Variants in IKZF3 observed in about 807,000 individuals in gnomAD.
The protein encoded by IKZF3 is IKAROS family zinc finger 3.
A neutral mutation model predicts 49.0 loss-of-function variants in IKZF3; 10 were observed. The observed-to-expected ratio is 0.20, with a 90% confidence interval of 0.13 to 0.35. IKZF3 has a LOEUF of 0.35. Ranked by LOEUF, IKZF3 falls within the 10% of genes least tolerant of loss-of-function variation. The probability of loss-of-function intolerance (pLI) is 1.00; values close to 1 mark genes in which losing one functional copy is unlikely to be tolerated. For synonymous variants in IKZF3, 209 were observed against 228.2 expected (o/e 0.92, Z 0.76); for missense variants, 498 against 664.8 (o/e 0.75, Z 2.76).
chr17:39,842,051 AAAAAAAAAC>A (rs907364242), intron 1 of IKZF3, among the ~76,000 whole-genome samples: 11 of 148,864 alleles, frequency 7.4e-5, no homozygotes, highest in Non-Finnish European at 1.0e-4. Flanking sequence ...AAAAAAAAAA[AAAAAAAAAC>A]CAGATAAAAT....
At chr17:39,849,971 C>A (rs531865977) in intron 1 of IKZF3, among the ~76,000 whole-genome samples, 31 of 149,898 alleles carry the variant, frequency 2.1e-4, no homozygotes, top group Middle Eastern at 3.4e-3. Context: ...ATGTATCAAA[C>A]CTAAACATAC....
chr17:39,773,509 G>T (rs2060496599), intron 7 of IKZF3, among the ~76,000 whole-genome samples: 1 of 152,206 alleles, frequency 6.6e-6, no homozygotes, highest in African/African-American at 2.4e-5. Flanking sequence ...CCGATGGTTT[G>T]TTGAAGTGTC....
chr17:39,842,834 C>T (rs2062518235), intron 1 of IKZF3, among the ~76,000 whole-genome samples: 1 of 152,070 alleles, frequency 6.6e-6, no homozygotes, highest in Non-Finnish European at 1.5e-5. Flanking sequence ...AATGGAAAAG[C>T]CTGTTCGATA....
At chr17:39,828,529 T>G (rs1327612141) in intron 3 of IKZF3, among the ~76,000 whole-genome samples, 2 of 152,150 alleles carry the variant, frequency 1.3e-5, no homozygotes, top group Non-Finnish European at 1.5e-5. Flanking sequence ...TAGCAAATTA[T>G]TAAACATGTG....
chr17:39,862,686 AAC>A lies in IKZF3; in HGVS notation c.7+1432_7+1433del, dbSNP rs1291805079. ...CCTATAGATTTAATCTAATCATGTAAACACAACTTTAAAAAGTTATTGATCTA... is the reference window on the plus strand; with the variant it reads ...CCTATAGATTTAATCTAATCATGTAAACAACTTTAAAAAGTTATTGATCTA... On this transcript the variant is annotated intron_variant, in intron 1 of 7. Coordinates refer to ENST00000346872, the MANE Select transcript of IKZF3 (RefSeq NM_012481.5). 3.3e-5 allele frequency among the ~76,000 whole-genome samples: 5 copies of A among 152,232 alleles called. No homozygotes were observed. The East Asian group carries it at 9.6e-4, about 29-fold the overall frequency.
chr17:39,801,717 T>C (rs1158289550), intron 3 of IKZF3, among the ~76,000 whole-genome samples: 1 of 152,202 alleles, frequency 6.6e-6, no homozygotes, highest in African/African-American at 2.4e-5. Context: ...ACCGATGATA[T>C]TTTTAGAACT....
intron 3 of IKZF3, among the ~76,000 whole-genome samples, chr17:39,824,506 G>T (rs2061904298): frequency 6.6e-6 from 1 of 152,044 alleles, no homozygotes; most frequent in African/African-American, 2.4e-5. Flanking sequence ...TTGAATGGGG[G>T]CCAGGGCAGA....
Position 39,848,624 on chromosome 17 carries a change from A to G in IKZF3, c.7+15496T>C, listed in dbSNP as rs548607014. Among the ~76,000 whole-genome samples the G allele has an allele frequency of 7.9e-5, 12 of 152,322 alleles. No individual in the cohort carries two copies. The East Asian group carries it at 2.3e-3, about 29-fold the overall frequency. On this transcript the variant is annotated intron_variant, in intron 1 of 7. Coordinates refer to ENST00000346872, the MANE Select transcript of IKZF3 (RefSeq NM_012481.5). ...AGAGCTAAATATGAAAGTTGAAACAATCAAACTTCTAGAGGAAAACAGAAT... is the reference window on the plus strand; with the variant it reads ...AGAGCTAAATATGAAAGTTGAAACAGTCAAACTTCTAGAGGAAAACAGAAT...
chr17:39,813,118 A>G (rs534820301), intron 3 of IKZF3, among the ~76,000 whole-genome samples: 3,610 of 150,406 alleles, frequency 0.024, 63 homozygotes, highest in Non-Finnish European at 0.037. Flanking sequence ...TAAATAAATA[A>G]ATAAATAAAT....
chr17:39,828,671 G>A (rs1418899013), intron 3 of IKZF3, among the ~76,000 whole-genome samples: 4 of 152,042 alleles, frequency 2.6e-5, no homozygotes, highest in South Asian at 2.1e-4. Context: ...TAACCTGTGC[G>A]GTCTACGCAA....
At chr17:39,851,394 C>G (rs1485504107) in intron 1 of IKZF3, among the ~76,000 whole-genome samples, 1 of 152,084 alleles carries the variant, frequency 6.6e-6, no homozygotes, top group Non-Finnish European at 1.5e-5. Flanking sequence ...AAAAGAATGT[C>G]TGTAATACAG....
chr17:39,856,284 CT>C (rs2063055495), intron 1 of IKZF3, among the ~76,000 whole-genome samples: 1 of 152,088 alleles, frequency 6.6e-6, no homozygotes, highest in East Asian at 1.9e-4. Flanking sequence ...TAGTAATATT[CT>C]TTTTTATTTA....
chr17:39,831,955 T>A, intron 2 of IKZF3, 143 bp downstream of exon 2: 1 of 610,688 alleles, frequency 1.6e-6, no homozygotes, highest in Non-Finnish European at 2.9e-6. Context: ...TATTTTTTCA[T>A]CAGCAACAGA....
rs113322079 is a variant in IKZF3 at position 39,766,008 on chromosome 17, A to C, written c.1312T>G (p.Ser438Ala). 16 of 1,614,210 alleles carry C rather than the reference A, an allele frequency of 9.9e-6. No homozygotes were observed. Among genetic ancestry groups the C allele is most frequent in the African/African-American group, 9.3e-5 (7 of 75,058 alleles). The change falls in exon 8 of 8, where the codon TCC (serine) becomes GCC (alanine). Residue 438 changes from serine (S) to alanine (A), a missense_variant. Physicochemically the swap from Ser to Ala is moderately conservative, Grantham distance 99. This residue lies in a region of IKZF3 where 317 missense variants were observed against 397.3 expected (regional missense o/e 0.80). Transcript: ENST00000346872. The part of the protein sequence containing the change: ...LKPPPICPRD[S>A]VKVINKEGEV... ...CCTTCCTTGTTGATCACTTTGACGG[A>C]GTCTCTTGGGCAGATGGGCGGGGGC...
intron 3 of IKZF3, among the ~76,000 whole-genome samples, chr17:39,811,235 T>TGAAAGAAAGAAAGAAAGAAA (rs71152603): frequency 0.13 from 18,626 of 141,200 alleles, 1,699 homozygotes; most frequent in Non-Finnish European, 0.19. Flanking sequence ...AGACCCTGTC[T>TGAAAGAAAGAAAGAAAGAAA]GAAAGAAAGA....
intron 1 of IKZF3, among the ~76,000 whole-genome samples, chr17:39,855,431 A>G (rs1395601147): frequency 6.6e-6 from 1 of 152,182 alleles, no homozygotes; most frequent in African/African-American, 2.4e-5. Flanking sequence ...GTCCTATTAT[A>G]TAGATTGGAT....
chr17:39,769,727 C>A (rs1365496883), intron 7 of IKZF3, among the ~76,000 whole-genome samples: 1 of 152,150 alleles, frequency 6.6e-6, no homozygotes. Flanking sequence ...CCTTGAGAAA[C>A]TTTTTCTCTT....
At position 39,829,248 on chromosome 17, in the gene IKZF3, T is replaced by C. The variant is rs560601055; in HGVS notation, c.163+139A>G. The stretch of plus-strand genomic sequence containing the variant: ...AACCTACAACTATGAAATGCAAATA[T>C]TTGTGAAATTAACAAAACAGAATCA... On this transcript the variant is annotated intron_variant, in intron 3 of 7. Coordinates refer to ENST00000346872, the MANE Select transcript of IKZF3 (RefSeq NM_012481.5). 1.0e-5 allele frequency: 6 copies of C among 575,786 alleles called. No individual in the cohort carries two copies. In the South Asian group the frequency reaches 1.3e-4, roughly 12 times the overall value. 35.7% of individuals were successfully genotyped at this position (575,786 alleles called of 1,614,324 possible).
intron 3 of IKZF3, among the ~76,000 whole-genome samples, chr17:39,807,793 A>T (rs2061467182): frequency 6.6e-6 from 1 of 152,098 alleles, no homozygotes; most frequent in South Asian, 2.1e-4. Context: ...AAAATATTAC[A>T]TATGGTATTA....
Sources: gnomAD v4.1 joint callset for allele counts (sites outside exome capture counted in the v4.1 genomes callset) on GRCh38, gnomAD v4.1.1 for gene constraint, gnomAD v4.1.1 regional missense constraint, MANE v1.5 for transcripts, NCBI Gene and HGNC (gene_info 2026-07-23, HGNC 2026-07-21) for gene names.